Variants in CUX1 observed in about 807,000 individuals in gnomAD.
CUX1 encodes the protein cut like homeobox 1.
In CUX1, 31 loss-of-function variants were observed where a neutral mutation model predicts 158.8. The ratio of observed to expected loss-of-function variants is 0.20; its 90% confidence interval spans 0.15 to 0.26. The LOEUF (loss-of-function observed/expected upper bound fraction) is 0.26. CUX1 is among the 10% of genes least tolerant of loss of function. CUX1 has a pLI of 1.00. For missense variants in CUX1, 1,589 were observed against 2,014.6 expected (o/e 0.79, Z 4.04); for synonymous variants, 879 against 862.1 (o/e 1.02, Z -0.34).
intron 22 of CUX1, chr7:102,282,999 C>T (rs782777668): frequency 6.2e-7 from 1 of 1,609,410 alleles, no homozygotes; most frequent in South Asian, 1.1e-5. Context: ...TCGGCCTCAG[C>T]AAAGCTTCCC....
chr7:102,274,083 A>G, intron 15 of CUX1: 1 of 657,800 alleles, frequency 1.5e-6, no homozygotes. Context: ...AGCTCATGTC[A>G]CGTGTCCAGG....
intron 14 of CUX1, among the ~76,000 whole-genome samples, chr7:102,195,995 G>A (rs1356668844): frequency 2.0e-5 from 3 of 152,200 alleles, no homozygotes; most frequent in Admixed American, 6.5e-5. Flanking sequence ...CGGGCCTGCC[G>A]GGTCCAGTAG....
In CUX1 at chr7:102,194,054, T is replaced by C. The variant is rs1794549307; in HGVS notation, c.1125+164T>C. Reference sequence around the variant, plus strand: ...TAACCAAGTTGAAGCAAATTATCTTTTTTTTTTTGTCTCCTTTTTTTCCAT... The same window carrying C: ...TAACCAAGTTGAAGCAAATTATCTTCTTTTTTTTGTCTCCTTTTTTTCCAT... On this transcript the variant is annotated intron_variant, in intron 13 of 23. Coordinates refer to ENST00000292535, the MANE Select transcript of CUX1 (RefSeq NM_181552.4). 9.7e-6 allele frequency: 7 copies of C among 721,922 alleles called. No homozygotes were observed. The South Asian group carries it at 1.1e-4, about 11-fold the overall frequency. The allele number at this position is 721,922 out of a possible 1,614,324, so 44.7% of individuals were successfully genotyped here.
chr7:102,192,532 G>A (rs1586142435), intron 12 of CUX1, among the ~76,000 whole-genome samples: 1 of 152,148 alleles, frequency 6.6e-6, no homozygotes, highest in East Asian at 1.9e-4. Flanking sequence ...TCCATCTTAA[G>A]AAACCCCTTT....
At chr7:102,200,661 G>T (rs1795317287) in intron 17 of CUX1, among the ~76,000 whole-genome samples, 1 of 151,538 alleles carries the variant, frequency 6.6e-6, no homozygotes, top group Non-Finnish European at 1.5e-5. Context: ...ATTATTCACA[G>T]AAATTACGCT....
At chr7:102,225,034 A>C (rs1346817796) in intron 20 of CUX1, among the ~76,000 whole-genome samples, 1 of 152,182 alleles carries the variant, frequency 6.6e-6, no homozygotes, top group East Asian at 1.9e-4. Context: ...GGCTTCAGAC[A>C]CAAAAATAAC....
intron 21 of CUX1, chr7:102,281,955 C>G (rs922405433): frequency 7.0e-7 from 1 of 1,438,384 alleles, no homozygotes; most frequent in Non-Finnish European, 9.8e-7. Flanking sequence ...GAGGCACATT[C>G]ACCATCCCCA....
At chr7:101,990,889 G>C (rs1442974737) in intron 2 of CUX1, among the ~76,000 whole-genome samples, 1 of 152,180 alleles carries the variant, frequency 6.6e-6, no homozygotes, top group Non-Finnish European at 1.5e-5. Context: ...AACTCACAGC[G>C]CCGCTCAGGT....
At chr7:102,077,809 C>T (rs1826936801) in intron 4 of CUX1, among the ~76,000 whole-genome samples, 1 of 151,998 alleles carries the variant, frequency 6.6e-6, no homozygotes, top group South Asian at 2.1e-4. Context: ...AAAATTATGA[C>T]AGTATGCATA....
At position 102,029,212 on chromosome 7, in the gene CUX1, C is replaced by T. The variant is rs1218599164; in HGVS notation, c.189+1067C>T. On this transcript the variant is annotated intron_variant, in intron 3 of 23. Coordinates refer to ENST00000292535, the MANE Select transcript of CUX1 (RefSeq NM_181552.4). Reference sequence around the variant, plus strand: ...TTCACCATGTTGGCCAGGCTGGTCTCGATCTCCTGACCTCAGGTGATCCAC... The same window carrying T: ...TTCACCATGTTGGCCAGGCTGGTCTTGATCTCCTGACCTCAGGTGATCCAC... 3.3e-5 allele frequency among the ~76,000 whole-genome samples: 5 copies of T among 152,016 alleles called. No individual in the cohort carries two copies. In the East Asian group the frequency reaches 5.8e-4, roughly 18 times the overall value.
chr7:102,124,068 T>A (rs1373528489), intron 8 of CUX1, among the ~76,000 whole-genome samples: 2 of 152,218 alleles, frequency 1.3e-5, no homozygotes, highest in Admixed American at 1.3e-4. Flanking sequence ...TTTTACCTAT[T>A]TAAGAGATCC....
At chr7:101,923,829 C>T (rs950159613) in intron 2 of CUX1, among the ~76,000 whole-genome samples, 1 of 152,208 alleles carries the variant, frequency 6.6e-6, no homozygotes, top group Non-Finnish European at 1.5e-5. Flanking sequence ...CAACAGGGAG[C>T]ACCCTGTGCT....
At chr7:102,265,849 C>G (rs1270298087) in intron 14 of CUX1, among the ~76,000 whole-genome samples, 3 of 151,930 alleles carry the variant, frequency 2.0e-5, no homozygotes, top group Admixed American at 6.6e-5. Context: ...ATGACTCGGA[C>G]TAGGTGGCAG....
chr7:102,232,638 T>G (rs1166214742), intron 21 of CUX1, among the ~76,000 whole-genome samples: 1 of 152,168 alleles, frequency 6.6e-6, no homozygotes, highest in Non-Finnish European at 1.5e-5. Context: ...GATCCTAATT[T>G]GTATCTTTAC....
intron 21 of CUX1, among the ~76,000 whole-genome samples, chr7:102,233,655 C>T (rs968143109): frequency 2.6e-5 from 4 of 152,116 alleles, no homozygotes; most frequent in South Asian, 2.1e-4. Context: ...GGCGTGGTGG[C>T]GAGCACCTGT....
chr7:102,014,094 T>C (rs1818330408), intron 2 of CUX1, among the ~76,000 whole-genome samples: 2 of 152,178 alleles, frequency 1.3e-5, no homozygotes, highest in African/African-American at 4.8e-5. Context: ...GAGCCGTGTG[T>C]ATCCTTCAGG....
At chr7:102,204,060 C>T (rs143537748) in intron 18 of CUX1, among the ~76,000 whole-genome samples, 17 of 152,322 alleles carry the variant, frequency 1.1e-4, no homozygotes, top group African/African-American at 3.1e-4. Flanking sequence ...TGCTTGTACA[C>T]ACCTCCTCCG....
chr7:102,055,799 A>G (rs1234450643), intron 3 of CUX1, among the ~76,000 whole-genome samples: 1 of 152,224 alleles, frequency 6.6e-6, no homozygotes, highest in Non-Finnish European at 1.5e-5. Context: ...AAGCTGAGGT[A>G]GGTTAAAAGC....
At position 102,019,061 on chromosome 7, in the gene CUX1, G is replaced by A. The variant is rs1162147220; in HGVS notation, c.142-9037G>A. On this transcript the variant is annotated intron_variant, in intron 2 of 23. Coordinates refer to ENST00000292535, the MANE Select transcript of CUX1 (RefSeq NM_181552.4). ...CACCATAATCCTGAGCCGTGGCCAC[G>A]TGCTGCCAGATCACGGCCTCTGTGC... Among the ~76,000 whole-genome samples the A allele has an allele frequency of 2.0e-5, 3 of 152,106 alleles. No individual in the cohort carries two copies. In the South Asian group the frequency reaches 6.2e-4, roughly 32 times the overall value.
Sources: allele counts gnomAD v4.1 joint callset (sites outside exome capture counted in the v4.1 genomes callset), GRCh38; gene constraint gnomAD v4.1.1; transcripts MANE v1.5; gene names NCBI Gene and HGNC (gene_info 2026-07-23, HGNC 2026-07-21).